OPHN1: variants seen among roughly 807,000 people sequenced by gnomAD.
OPHN1 encodes oligophrenin 1.
In OPHN1, 11 loss-of-function variants were observed where a neutral mutation model predicts 60.7. The ratio of observed to expected loss-of-function variants is 0.18; its 90% confidence interval spans 0.11 to 0.30. The LOEUF is 0.30. OPHN1 is among the 10% of genes least tolerant of loss of function. The pLI, the probability that OPHN1 is intolerant of heterozygous loss-of-function variation, is 1.00. For missense variants in OPHN1, 449 were observed against 611.0 expected (o/e 0.73, Z 2.80); for synonymous variants, 226 against 222.6 (o/e 1.02, Z -0.14).
chrX:68,172,235 A>G (rs2077394878), intron 15 of OPHN1, among the ~76,000 whole-genome samples: 1 of 112,395 alleles, frequency 8.9e-6, no homozygotes, highest in African/African-American at 3.2e-5. Flanking sequence ...TCAGCAACTC[A>G]TGAAGGGAAA....
intron 5 of OPHN1, among the ~76,000 whole-genome samples, chrX:68,245,240 T>C (rs1176468739): frequency 9.0e-6 from 1 of 111,303 alleles, no homozygotes; most frequent in Non-Finnish European, 1.9e-5. Context: ...TATAAACTCT[T>C]TAGCCTCGTA....
chrX:68,181,736 G>C (rs2077437873), intron 15 of OPHN1, among the ~76,000 whole-genome samples: 1 of 111,903 alleles, frequency 8.9e-6, no homozygotes, highest in African/African-American at 3.3e-5. Context: ...GTTGAGGCAG[G>C]AGAATTGCTT....
rs61349611 is a variant in OPHN1 at position 68,387,200 on chromosome X, T to TTC, written c.154+45665_154+45666dup. On this transcript the variant is annotated intron_variant, in intron 2 of 24. Coordinates refer to ENST00000355520, the MANE Select transcript of OPHN1 (RefSeq NM_002547.3). ...CTTCTCTTTTTCTCTTTCTTTCTGT[T>TTC]TCTCTCTCTCTCTCTCTCTCTGCCC... 2.6e-3 allele frequency among the ~76,000 whole-genome samples: 256 copies of TTC among 99,888 alleles called. 1 individual carries two copies. Among genetic ancestry groups the TTC allele is most frequent in the African/African-American group, 6.9e-3 (190 of 27,669 alleles). 86.7% of individuals were successfully genotyped at this position (99,888 alleles called of 115,157 possible). A position where few individuals can be genotyped will look rare whatever the true frequency, so the allele number is the denominator to read the frequency against.
intron 2 of OPHN1, among the ~76,000 whole-genome samples, chrX:68,401,220 G>A (rs758534886): frequency 2.7e-5 from 3 of 111,858 alleles, no homozygotes; most frequent in Admixed American, 9.5e-5. Context: ...AGAAGGAAGG[G>A]AGATATTCAC....
intron 2 of OPHN1, among the ~76,000 whole-genome samples, chrX:68,393,752 C>A (rs1307161090): frequency 9.1e-6 from 1 of 109,726 alleles, no homozygotes; most frequent in Admixed American, 9.9e-5. Context: ...CCCTTTTTTA[C>A]CAGAAGTTTT....
chrX:68,210,184 A>G lies in OPHN1; in HGVS notation c.801T>C (p.Thr267=), dbSNP rs768155757. The G allele has an allele frequency of 8.3e-7, 1 of 1,210,129 alleles. No homozygotes were observed. Among genetic ancestry groups the G allele is most frequent in the Non-Finnish European group, 1.1e-6 (1 of 894,272 alleles). ...CTTGTGTATAGAGATAGCCTTCAAT[A>G]GTTGGCTGTCCTGGAAGTTTGCATG... ...PQTCKLPGQP[T]IEGYLYTQEK... is the part of the protein sequence containing the mutation. Residue 267 remains threonine (T), a synonymous_variant, in exon 9 of 25, where the codon ACT becomes ACC. Coordinates refer to ENST00000355520, the MANE Select transcript of OPHN1 (RefSeq NM_002547.3).
chrX:68,173,517 C>G (rs2077400293), intron 15 of OPHN1, among the ~76,000 whole-genome samples: 1 of 111,537 alleles, frequency 9.0e-6, no homozygotes, highest in Admixed American at 9.6e-5. Flanking sequence ...GTTCACACCT[C>G]AGACAATTAG....
upstream of OPHN1, chrX:68,433,725 G>T (rs1348382896): frequency 2.0e-5 from 6 of 296,082 alleles, no homozygotes; most frequent in African/African-American, 2.7e-5. Flanking sequence ...CGCCGGAAGG[G>T]TTAAGCCAGG....
chrX:68,067,687 G>A (rs1485647589), intron 20 of OPHN1, among the ~76,000 whole-genome samples: 1 of 111,112 alleles, frequency 9.0e-6, no homozygotes, highest in African/African-American at 3.3e-5. Flanking sequence ...AAGAGAGGCA[G>A]ATTCAAGAGA....
intron 8 of OPHN1, 104 bp downstream of exon 8, chrX:68,212,004 T>C: frequency 1.8e-6 from 1 of 554,382 alleles, no homozygotes; most frequent in Admixed American, 2.7e-5. Flanking sequence ...TTCTAACAAA[T>C]TGGCTAGGAT....
intron 2 of OPHN1, among the ~76,000 whole-genome samples, chrX:68,328,980 C>T (rs896191625): frequency 6.2e-5 from 7 of 112,095 alleles, no homozygotes; most frequent in African/African-American, 2.3e-4. Context: ...TGCAATGATG[C>T]GATCTCAGTT....
At chrX:68,389,014 G>C (rs1358410641) in intron 2 of OPHN1, among the ~76,000 whole-genome samples, 1 of 107,870 alleles carries the variant, frequency 9.3e-6, no homozygotes, top group Non-Finnish European at 1.9e-5. Context: ...GAGTACAGTG[G>C]TGTAATCATG....
At position 68,162,920 on chromosome X, in the gene OPHN1, T is replaced by C. The variant is rs775937305; in HGVS notation, c.1276+29999A>G. Among the ~76,000 whole-genome samples, 4 of 110,947 alleles carry C rather than the reference T, an allele frequency of 3.6e-5. No individual in the cohort carries two copies. In the Admixed American group the frequency reaches 3.8e-4, roughly 11 times the overall value. On this transcript the variant is annotated intron_variant, in intron 15 of 24. Coordinates refer to ENST00000355520, the MANE Select transcript of OPHN1 (RefSeq NM_002547.3). ...ATTATTAAATAATAAAACATATTTT[T>C]AAGTTAAAGGATATTTTATGTCTCA...
At chrX:68,302,951 G>A (rs1199300745) in intron 2 of OPHN1, among the ~76,000 whole-genome samples, 1 of 109,899 alleles carries the variant, frequency 9.1e-6, no homozygotes, top group Admixed American at 9.8e-5. Context: ...AAAAAAGAAA[G>A]CAATCACATT....
At chrX:68,104,277 C>T in intron 18 of OPHN1, among the ~76,000 whole-genome samples, 1 of 111,944 alleles carries the variant, frequency 8.9e-6, no homozygotes, top group South Asian at 3.8e-4. Context: ...CCCCATCAAG[C>T]TACCATTGAC....
intron 23 of OPHN1, among the ~76,000 whole-genome samples, chrX:68,051,504 T>C (rs778610999): frequency 6.2e-4 from 69 of 111,885 alleles, no homozygotes; most frequent in Non-Finnish European, 9.8e-4. Flanking sequence ...AATATGTGAC[T>C]TTTTTCTCCA....
At chrX:68,304,279 C>T (rs1052478458) in intron 2 of OPHN1, among the ~76,000 whole-genome samples, 3 of 110,611 alleles carry the variant, frequency 2.7e-5, no homozygotes, top group South Asian at 3.8e-4. Context: ...TACCATTTTG[C>T]ATTCTGTAGG....
intron 2 of OPHN1, among the ~76,000 whole-genome samples, chrX:68,320,353 A>AC (rs2078229703): frequency 9.0e-6 from 1 of 111,131 alleles, no homozygotes; most frequent in South Asian, 3.8e-4. Flanking sequence ...CGTCTCAAAA[A>AC]AATATATATA....
intron 15 of OPHN1, among the ~76,000 whole-genome samples, chrX:68,138,366 T>C (rs5919529): frequency 0.47 from 52,537 of 111,240 alleles, 10,581 homozygotes; most frequent in South Asian, 0.71. Context: ...CAATGTGATA[T>C]ATGAGTTTGC....
Sources: gnomAD v4.1 joint callset for allele counts (sites outside exome capture counted in the v4.1 genomes callset) on GRCh38, gnomAD v4.1.1 for gene constraint, MANE v1.5 for transcripts, NCBI Gene and HGNC (gene_info 2026-07-23, HGNC 2026-07-21) for gene names.